The following PRKG1 variants were observed in gnomAD, a reference collection of about 807,000 sequenced individuals.
The protein encoded by PRKG1 is protein kinase cGMP-dependent 1, also known as cGMP-dependent protein kinase 1.
A neutral mutation model predicts 88.1 loss-of-function variants in PRKG1; 35 were observed. The ratio of observed to expected loss-of-function variants is 0.40; its 90% CI spans 0.30 to 0.53. The LOEUF is 0.53. Ranked by LOEUF, PRKG1 falls within the 20% of genes least tolerant of loss-of-function variation. The pLI is 0.59. For missense variants in PRKG1, 540 were observed against 839.8 expected, an observed-to-expected ratio of 0.64 and a Z score of 4.41; for synonymous variants, 303 against 292.5, an observed-to-expected ratio of 1.04 and a Z score of -0.37.
At chr10:51,884,304 G>A (rs868556835) in intron 4 of PRKG1, among the ~76,000 whole-genome samples, 116 of 148,574 alleles carry the variant, frequency 7.8e-4, no homozygotes, top group African/African-American at 2.5e-3. Flanking sequence ...AATTAGCCAG[G>A]CGTGGTGGCG....
intron 2 of PRKG1, among the ~76,000 whole-genome samples, chr10:51,183,319 C>G (rs1313507624): frequency 6.6e-6 from 1 of 152,160 alleles, no homozygotes; most frequent in Non-Finnish European, 1.5e-5. Context: ...AATCATTTTG[C>G]TTTTCCCTGA....
chr10:51,560,476 A>G (rs191019846), intron 3 of PRKG1, among the ~76,000 whole-genome samples: 13 of 152,246 alleles, frequency 8.5e-5, no homozygotes, highest in Non-Finnish European at 1.0e-4. Flanking sequence ...ATTAAGTTTA[A>G]TAGGATTAAA....
intron 1 of PRKG1, among the ~76,000 whole-genome samples, chr10:51,078,278 G>A (rs150827371): frequency 0.014 from 2,176 of 152,048 alleles, 56 homozygotes; most frequent in African/African-American, 0.05. Context: ...GAGTGCAGTG[G>A]CACGATCTTG....
chr10:52,106,747 TAAA>T (rs1847436497), intron 7 of PRKG1, among the ~76,000 whole-genome samples: 1 of 143,420 alleles, frequency 7.0e-6, no homozygotes, highest in African/African-American at 2.6e-5. Flanking sequence ...ATAATAATAA[TAAA>T]GTAAATAAAT....
At chr10:51,252,487 T>A (rs1336031057) in intron 2 of PRKG1, among the ~76,000 whole-genome samples, 1 of 151,826 alleles carries the variant, frequency 6.6e-6, no homozygotes, top group African/African-American at 2.4e-5. Flanking sequence ...CTATTTCATT[T>A]GAGCAGAGAC....
At chr10:51,269,502 A>G (rs1839922314) in intron 2 of PRKG1, among the ~76,000 whole-genome samples, 2 of 152,192 alleles carry the variant, frequency 1.3e-5, no homozygotes, top group South Asian at 4.1e-4. Flanking sequence ...AAGAAAATAT[A>G]TTATGTATAC....
At chr10:52,069,951 T>C (rs1301095772) in intron 7 of PRKG1, among the ~76,000 whole-genome samples, 1 of 82,150 alleles carries the variant, frequency 1.2e-5, no homozygotes, top group Non-Finnish European at 2.8e-5. Flanking sequence ...TTAATGATTA[T>C]AACCTTTATA....
At chr10:51,546,247 G>A (rs1008455597) in intron 3 of PRKG1, among the ~76,000 whole-genome samples, 1 of 152,022 alleles carries the variant, frequency 6.6e-6, no homozygotes, top group African/African-American at 2.4e-5. Context: ...TTATATGTGT[G>A]TATGCGGTAA....
chr10:51,186,901 G>A (rs1352418095), intron 2 of PRKG1, among the ~76,000 whole-genome samples: 1 of 147,684 alleles, frequency 6.8e-6, no homozygotes, highest in East Asian at 2.0e-4. Flanking sequence ...AAATTTTAAA[G>A]TCTGAAGATT....
At position 52,061,963 on chromosome 10, in the gene PRKG1, G is replaced by T. The variant is rs1023970779; in HGVS notation, c.841-574G>T. On this transcript the variant is annotated intron_variant, in intron 6 of 17. Coordinates refer to ENST00000373980, the MANE Select transcript of PRKG1 (RefSeq NM_006258.4). ...AGAAGGATGTTCATTTCAGCAGAATGAATAAAAGAAAGAAAAAAATTGAAA... is the reference window on the plus strand; with the variant it reads ...AGAAGGATGTTCATTTCAGCAGAATTAATAAAAGAAAGAAAAAAATTGAAA... Among the ~76,000 whole-genome samples the T allele has an allele frequency of 4.6e-5, 7 of 151,842 alleles. No individual in the cohort carries two copies. The South Asian group carries it at 1.2e-3, about 27-fold the overall frequency.
chr10:52,116,655 A>T (rs74451779), intron 7 of PRKG1, among the ~76,000 whole-genome samples: 1 of 152,158 alleles, frequency 6.6e-6, no homozygotes, highest in African/African-American at 2.4e-5. Context: ...GTTTATCAAC[A>T]GTAAACGGGA....
At chr10:51,362,974 G>A (rs1419647545) in intron 2 of PRKG1, among the ~76,000 whole-genome samples, 1 of 151,862 alleles carries the variant, frequency 6.6e-6, no homozygotes, top group Non-Finnish European at 1.5e-5. Flanking sequence ...AATTCATTTT[G>A]AAACAGCAAA....
chr10:51,222,990 G>T (rs1201374675), intron 2 of PRKG1, among the ~76,000 whole-genome samples: 2 of 151,242 alleles, frequency 1.3e-5, no homozygotes, highest in Non-Finnish European at 1.5e-5. Context: ...ACTGTAATTT[G>T]TTACTCAGTG....
At chr10:51,425,699 G>A (rs570427331) in intron 2 of PRKG1, among the ~76,000 whole-genome samples, 2 of 152,158 alleles carry the variant, frequency 1.3e-5, no homozygotes, top group African/African-American at 2.4e-5. Context: ...CAAGCCCAGC[G>A]TGGTTCAAAA....
chr10:51,533,262 C>T (rs2132097452), intron 3 of PRKG1, among the ~76,000 whole-genome samples: 1 of 152,274 alleles, frequency 6.6e-6, no homozygotes, highest in Non-Finnish European at 1.5e-5. Flanking sequence ...AGTAGTTTTG[C>T]ATTTGGCAAG....
chr10:52,056,317 C>G (rs1903996), intron 6 of PRKG1, among the ~76,000 whole-genome samples: 58,259 of 152,008 alleles, frequency 0.38, 12,294 homozygotes, highest in Admixed American at 0.49. Context: ...GGAATTTGTC[C>G]TGACATTCTA....
intron 8 of PRKG1, among the ~76,000 whole-genome samples, chr10:52,148,957 CT>C (rs71904885): frequency 0.3 from 16,750 of 55,104 alleles, 1,341 homozygotes; most frequent in Non-Finnish European, 0.39. Context: ...GATAGTTTTG[CT>C]TTTTTTTTTT....
At chr10:52,252,452 C>A (rs1167019872) in intron 10 of PRKG1, 1 of 152,002 alleles carries the variant, frequency 6.6e-6, no homozygotes, top group African/African-American at 2.4e-5. Flanking sequence ...ATTGAGAATG[C>A]AGATTGATTT....
chr10:51,202,105 T>C (rs76199914), intron 2 of PRKG1, among the ~76,000 whole-genome samples: 3,091 of 152,310 alleles, frequency 0.02, 47 homozygotes, highest in Middle Eastern at 0.051. Context: ...TGGGTACACC[T>C]GCCTCCCAGC....
Sources: allele counts gnomAD v4.1 joint callset (sites outside exome capture counted in the v4.1 genomes callset), GRCh38; gene constraint gnomAD v4.1.1; transcripts MANE v1.5; gene names NCBI Gene and HGNC (gene_info 2026-07-23, HGNC 2026-07-21).